The following TMEM132D variants were observed in gnomAD, a reference collection of about 807,000 sequenced individuals.
TMEM132D encodes transmembrane protein 132D.
Under a neutral mutation model 62.3 loss-of-function variants are expected in TMEM132D, and 21 were observed. That is an observed-to-expected ratio of 0.34 (90% CI 0.24 to 0.49). The LOEUF is 0.49. TMEM132D is among the 20% of genes least tolerant of loss of function. The pLI, the probability that TMEM132D is intolerant of heterozygous loss-of-function variation, is 0.99. For missense variants in TMEM132D, 1,346 were observed against 1,402.8 expected, an observed-to-expected ratio of 0.96 and a Z score of 0.65; for synonymous variants, 621 against 575.6, an observed-to-expected ratio of 1.08 and a Z score of -1.13.
chr12:129,789,701 G>A (rs913822818), intron 1 of TMEM132D, among the ~76,000 whole-genome samples: 5 of 152,186 alleles, frequency 3.3e-5, no homozygotes, highest in Non-Finnish European at 7.3e-5. Context: ...TTAGGTCAGA[G>A]TCCAGATGGG....
chr12:129,529,961 C>T (rs1305887940), intron 3 of TMEM132D, among the ~76,000 whole-genome samples: 2 of 152,208 alleles, frequency 1.3e-5, no homozygotes, highest in East Asian at 3.8e-4. Flanking sequence ...TCACTACATA[C>T]ATATCTAGGA....
At chr12:129,823,036 C>T (rs983310787) in intron 1 of TMEM132D, among the ~76,000 whole-genome samples, 7 of 152,114 alleles carry the variant, frequency 4.6e-5, no homozygotes, top group Non-Finnish European at 8.8e-5. Flanking sequence ...GAACTGTCCT[C>T]GAGGTAGTGA....
intron 5 of TMEM132D, chr12:129,084,981 C>T (rs1001877036): frequency 5.7e-6 from 3 of 522,056 alleles, no homozygotes; most frequent in Admixed American, 3.6e-5. Flanking sequence ...CGTGTGTTGC[C>T]GACAGCTCCT....
intron 4 of TMEM132D, among the ~76,000 whole-genome samples, chr12:129,284,224 C>T (rs2135612732): frequency 6.6e-6 from 1 of 152,310 alleles, no homozygotes; most frequent in African/African-American, 2.4e-5. Flanking sequence ...CAGCTGGCAG[C>T]CAGCAGCTGG....
chr12:129,225,770 A>G (rs770691762), intron 4 of TMEM132D, among the ~76,000 whole-genome samples: 1 of 152,208 alleles, frequency 6.6e-6, no homozygotes, highest in Non-Finnish European at 1.5e-5. Flanking sequence ...AGAGAGGAAG[A>G]GGAGGGAAGA....
intron 1 of TMEM132D, among the ~76,000 whole-genome samples, chr12:129,826,868 A>G (rs1408148366): frequency 6.6e-6 from 1 of 152,192 alleles, no homozygotes; most frequent in Admixed American, 6.5e-5. Flanking sequence ...AAAGTACAAA[A>G]GGAAAAAAAA....
At chr12:129,485,745 C>T (rs1330917971) in intron 3 of TMEM132D, among the ~76,000 whole-genome samples, 1 of 152,240 alleles carries the variant, frequency 6.6e-6, no homozygotes, top group Non-Finnish European at 1.5e-5. Context: ...GAGGCTGGTT[C>T]TTCTGGGGCC....
chr12:129,189,931 G>T (rs1878336675), intron 5 of TMEM132D, among the ~76,000 whole-genome samples: 2 of 152,144 alleles, frequency 1.3e-5, no homozygotes, highest in Non-Finnish European at 1.5e-5. Context: ...ATTCAGGTGG[G>T]GCAGTGTAAT....
At chr12:129,235,129 C>T (rs923098023) in intron 4 of TMEM132D, among the ~76,000 whole-genome samples, 3 of 152,152 alleles carry the variant, frequency 2.0e-5, no homozygotes, top group South Asian at 4.1e-4. Context: ...CACCAGCCTC[C>T]GCTATGCTAG....
chr12:129,247,081 C>A (rs562829008), intron 4 of TMEM132D, among the ~76,000 whole-genome samples: 34 of 152,216 alleles, frequency 2.2e-4, no homozygotes, highest in African/African-American at 7.7e-4. Context: ...GTTTCAAAAG[C>A]CTTCTAAGTA....
chr12:129,462,270 G>A (rs749769093), intron 3 of TMEM132D, among the ~76,000 whole-genome samples: 5 of 152,102 alleles, frequency 3.3e-5, no homozygotes, highest in Non-Finnish European at 5.9e-5. Context: ...CACTTAGGAA[G>A]CACACTGCAT....
chr12:129,359,482 A>G (rs918301558), intron 3 of TMEM132D, among the ~76,000 whole-genome samples: 1 of 152,184 alleles, frequency 6.6e-6, no homozygotes, highest in African/African-American at 2.4e-5. Context: ...GGCCAGTCAA[A>G]TCCAAGCCAT....
At chr12:129,605,012 T>C (rs999690210) in intron 2 of TMEM132D, among the ~76,000 whole-genome samples, 8 of 152,242 alleles carry the variant, frequency 5.3e-5, no homozygotes, top group Admixed American at 4.6e-4. Flanking sequence ...TATGCTAATT[T>C]TAGTATTTTC....
intron 5 of TMEM132D, among the ~76,000 whole-genome samples, chr12:129,106,398 C>G (rs965558186): frequency 1.1e-4 from 17 of 150,566 alleles, no homozygotes; most frequent in Admixed American, 1.0e-3. Flanking sequence ...CACATGTACC[C>G]TAAAACTTAA....
At chr12:129,248,090 C>T (rs1273541820) in intron 4 of TMEM132D, among the ~76,000 whole-genome samples, 1 of 152,194 alleles carries the variant, frequency 6.6e-6, no homozygotes, top group Non-Finnish European at 1.5e-5. Context: ...TAGCAAAGCG[C>T]TTTCACATAG....
intron 3 of TMEM132D, among the ~76,000 whole-genome samples, chr12:129,346,869 T>G (rs1331027563): frequency 6.6e-6 from 1 of 152,124 alleles, no homozygotes; most frequent in African/African-American, 2.4e-5. Flanking sequence ...TCTTAGGATA[T>G]AAAATCAATA....
At chr12:129,582,310 C>A (rs892661773) in intron 2 of TMEM132D, among the ~76,000 whole-genome samples, 3 of 152,196 alleles carry the variant, frequency 2.0e-5, no homozygotes, top group Admixed American at 6.5e-5. Flanking sequence ...TTTAATCAGC[C>A]ATGCTGCAGT....
At chr12:129,455,150 G>T (rs1873427329) in intron 3 of TMEM132D, among the ~76,000 whole-genome samples, 1 of 152,182 alleles carries the variant, frequency 6.6e-6, no homozygotes, top group South Asian at 2.1e-4. Context: ...TTAGGTTCCA[G>T]CATTATGAAA....
At chr12:129,832,312 T>C (rs1445400474) in intron 1 of TMEM132D, among the ~76,000 whole-genome samples, 2 of 151,534 alleles carry the variant, frequency 1.3e-5, no homozygotes, top group Non-Finnish European at 1.5e-5. Flanking sequence ...GAAGAGAAGA[T>C]GTAACAGAGG....
Sources: gnomAD v4.1 joint callset for allele counts (sites outside exome capture counted in the v4.1 genomes callset) on GRCh38, gnomAD v4.1.1 for gene constraint, MANE v1.5 for transcripts, NCBI Gene and HGNC (gene_info 2026-07-23, HGNC 2026-07-21) for gene names.